The following BCAP29 variants were observed in gnomAD, a reference collection of about 807,000 sequenced individuals.
The protein encoded by BCAP29 is B-cell receptor-associated protein 29.
Under a neutral mutation model 31.8 loss-of-function variants are expected in BCAP29, and 34 were observed. That is an observed-to-expected ratio of 1.07 (90% CI 0.81 to 1.42). BCAP29 has a LOEUF of 1.42. Among genes scored for constraint, BCAP29 ranks in the 40% most tolerant of loss-of-function variants. BCAP29 has a pLI of 0.00. For missense variants in BCAP29, 314 were observed against 269.2 expected, an observed-to-expected ratio of 1.17 and a Z score of -1.16; for synonymous variants, 104 against 91.3, an observed-to-expected ratio of 1.14 and a Z score of -0.79.
intron 2 of BCAP29, among the ~76,000 whole-genome samples, chr7:107,582,119 A>G (rs959213797): frequency 2.6e-5 from 4 of 152,312 alleles, no homozygotes; most frequent in South Asian, 2.1e-4. Context: ...CTATATACTC[A>G]AGAGAAAGAA....
At chr7:107,590,618 G>A (rs1158947402) in intron 3 of BCAP29, among the ~76,000 whole-genome samples, 1 of 152,064 alleles carries the variant, frequency 6.6e-6, no homozygotes, top group Admixed American at 6.6e-5. Flanking sequence ...AGGAGTTGCA[G>A]ACCATCCTGG....
At chr7:107,582,272 C>T (rs1368326828) in intron 2 of BCAP29, among the ~76,000 whole-genome samples, 1 of 152,112 alleles carries the variant, frequency 6.6e-6, no homozygotes, top group East Asian at 1.9e-4. Context: ...AAAAATTTTA[C>T]CCATCCTGAT....
intron 3 of BCAP29, among the ~76,000 whole-genome samples, chr7:107,591,657 C>CACACACACACACACACACA (rs1554475285): frequency 1.9e-4 from 13 of 69,796 alleles, no homozygotes; most frequent in Non-Finnish European, 2.5e-4. Flanking sequence ...CACACACACA[C>CACACACACACACACACACA]CCTATTGGTT....
At chr7:107,617,919 C>T (rs1461682450) in intron 7 of BCAP29, among the ~76,000 whole-genome samples, 1 of 152,140 alleles carries the variant, frequency 6.6e-6, no homozygotes. Context: ...ACATGATCAG[C>T]CAAGTATAAT....
intron 6 of BCAP29, among the ~76,000 whole-genome samples, chr7:107,606,305 CTAT>C (rs1288307370): frequency 6.6e-6 from 1 of 152,146 alleles, no homozygotes; most frequent in Non-Finnish European, 1.5e-5. Context: ...ACTTTAATGT[CTAT>C]TATATAGCTC....
At chr7:107,590,389 T>C (rs1282042299) in intron 3 of BCAP29, among the ~76,000 whole-genome samples, 2 of 152,184 alleles carry the variant, frequency 1.3e-5, no homozygotes, top group African/African-American at 4.8e-5. Context: ...GGCAAGGATA[T>C]TTACACTCTG....
intron 6 of BCAP29, among the ~76,000 whole-genome samples, chr7:107,612,397 A>T (rs1413589165): frequency 5.3e-5 from 1 of 18,980 alleles, no homozygotes; most frequent in East Asian, 1.2e-3. Context: ...TGTTTTATAT[A>T]TATATATATA....
chr7:107,622,254 C>G (rs1205098865), downstream of BCAP29: 1 of 171,536 alleles, frequency 5.8e-6, no homozygotes, highest in Non-Finnish European at 1.2e-5. Flanking sequence ...CATGTCATTC[C>G]CTGCTTGTCT....
At chr7:107,605,050 T>A (rs1811835672) in intron 6 of BCAP29, among the ~76,000 whole-genome samples, 1 of 152,212 alleles carries the variant, frequency 6.6e-6, no homozygotes, top group South Asian at 2.1e-4. Flanking sequence ...AGAGTACTTT[T>A]CTTGGACTAA....
chr7:107,581,195 A>G (rs902517374), intron 2 of BCAP29, among the ~76,000 whole-genome samples: 1 of 152,144 alleles, frequency 6.6e-6, no homozygotes, highest in Non-Finnish European at 1.5e-5. Flanking sequence ...CCTGAATTGG[A>G]GCCATGAACT....
intron 7 of BCAP29, among the ~76,000 whole-genome samples, chr7:107,617,274 T>C (rs1425487713): frequency 3.3e-5 from 5 of 152,132 alleles, no homozygotes; most frequent in African/African-American, 4.8e-5. Flanking sequence ...AAACGAAAGA[T>C]CATTAAAATA....
intron 6 of BCAP29, among the ~76,000 whole-genome samples, chr7:107,610,215 A>G (rs1468571715): frequency 1.3e-5 from 2 of 152,226 alleles, no homozygotes; most frequent in African/African-American, 4.8e-5. Context: ...ACCATAACCT[A>G]GGACATAACA....
At chr7:107,596,580 C>T (rs922163986) in intron 5 of BCAP29, among the ~76,000 whole-genome samples, 1 of 151,922 alleles carries the variant, frequency 6.6e-6, no homozygotes. Flanking sequence ...GTTAACTAAA[C>T]TCAAAAGCAC....
Position 107,600,511 on chromosome 7 carries a change from T to G in BCAP29, c.589+6T>G. 1 of 1,512,588 alleles carries G rather than the reference T, an allele frequency of 6.6e-7. No homozygotes were observed. The highest frequency in any genetic ancestry group is 9.1e-7 in the Non-Finnish European group (1 of 1,093,268). The allele number at this position is 1,512,588 out of a possible 1,614,324, so 93.7% of individuals were successfully genotyped here. ...ATTAAGGAAGACTTCAGATGGTAAC[T>G]TTGTGTACATGTGAAAAAGTAAAAA... is the stretch of plus-strand genomic sequence containing the variant. On this transcript the variant is annotated splice_donor_region_variant and intron_variant, in intron 6 of 7. Transcript: ENST00000005259.
rs1814853428 is a variant in BCAP29 at position 107,620,454 on chromosome 7, A to C, written c.*2091A>C. 6.6e-6 allele frequency: 1 copy of C among 152,156 alleles called. No homozygotes were observed. Among genetic ancestry groups the C allele is most frequent in the Non-Finnish European group, 1.5e-5 (1 of 68,034 alleles). 9.4% of individuals were successfully genotyped at this position (152,156 alleles called of 1,614,324 possible). A position where few individuals can be genotyped will look rare whatever the true frequency, so the allele number is the denominator to read the frequency against. On this transcript the variant is annotated 3_prime_UTR_variant, in exon 8 of 8. Transcript: ENST00000005259. ...GGTGTTTAGCAAATTGTATTACATA[A>C]ATAAATATTTATTTCATGGATTGAG...
At chr7:107,613,716 G>T (rs902025412) in intron 7 of BCAP29, 1 of 1,612,750 alleles carries the variant, frequency 6.2e-7, no homozygotes, top group Non-Finnish European at 8.5e-7. Context: ...TTGGAAAACA[G>T]ACTGGTTCTA....
chr7:107,598,929 ACACG>A (rs1406652206), intron 5 of BCAP29, among the ~76,000 whole-genome samples: 29 of 143,254 alleles, frequency 2.0e-4, no homozygotes, highest in African/African-American at 7.5e-4. Context: ...ACACACACAC[ACACG>A]CACGCACATA....
At chr7:107,617,386 C>T (rs912748847) in intron 7 of BCAP29, among the ~76,000 whole-genome samples, 2 of 152,202 alleles carry the variant, frequency 1.3e-5, no homozygotes, top group Admixed American at 1.3e-4. Flanking sequence ...ATCTGGTCCC[C>T]TCCCTGTTAT....
At chr7:107,586,728 CTTTT>C (rs763602838) in intron 3 of BCAP29, among the ~76,000 whole-genome samples, 5 of 131,574 alleles carry the variant, frequency 3.8e-5, no homozygotes, top group Admixed American at 1.5e-4. Flanking sequence ...TGTATTTATT[CTTTT>C]TTTTTTTTTT....
Sources: gnomAD v4.1 joint callset for allele counts (sites outside exome capture counted in the v4.1 genomes callset) on GRCh38, gnomAD v4.1.1 for gene constraint, MANE v1.5 for transcripts, NCBI Gene and HGNC (gene_info 2026-07-23, HGNC 2026-07-21) for gene names.